Variants in KIF4A observed in about 807,000 individuals in gnomAD.
KIF4A encodes the protein chromosome-associated kinesin KIF4A.
A neutral mutation model predicts 105.9 loss-of-function variants in KIF4A; 7 were observed. The observed-to-expected ratio is 0.07, with a 90% CI of 0.04 to 0.12. KIF4A has a LOEUF of 0.12. Among genes scored for constraint, KIF4A ranks in the 10% least tolerant of loss-of-function variants. The pLI is 1.00. For missense variants in KIF4A, 558 were observed against 929.2 expected (o/e 0.60, Z 5.19); for synonymous variants, 281 against 331.3 (o/e 0.85, Z 1.65).
chrX:70,364,120 A>G (rs1271811136), intron 15 of KIF4A, among the ~76,000 whole-genome samples: 1 of 111,605 alleles, frequency 9.0e-6, no homozygotes, highest in African/African-American at 3.3e-5. Context: ...GTTTGAGTTC[A>G]TTGTAGATTC....
At chrX:70,312,860 A>G (rs1466623295) in intron 7 of KIF4A, among the ~76,000 whole-genome samples, 2 of 111,782 alleles carry the variant, frequency 1.8e-5, no homozygotes, top group African/African-American at 6.5e-5. Context: ...TCAAACCTAA[A>G]AGTTATTTAG....
rs147907098 is a variant in KIF4A at position 70,292,661 on chromosome X, C to G, written c.235+1856C>G. The stretch of plus-strand genomic sequence containing the variant: ...TTTTTACATACAGTATTTGGAAAAC[C>G]GTTAAGTGTTTCTACCTAATTCTCT... On this transcript the variant is annotated intron_variant, in intron 3 of 30. Coordinates refer to ENST00000374403, the MANE Select transcript of KIF4A (RefSeq NM_012310.5). 2.8e-4 allele frequency among the ~76,000 whole-genome samples: 31 copies of G among 111,824 alleles called. No individual in the cohort carries two copies. The East Asian group carries it at 4.7e-3, about 17-fold the overall frequency.
chrX:70,300,248 T>C (rs1444527295), intron 5 of KIF4A, among the ~76,000 whole-genome samples: 1 of 111,460 alleles, frequency 9.0e-6, no homozygotes, highest in Admixed American at 9.6e-5. Flanking sequence ...GCTTGGAATA[T>C]GCAAAGATGA....
At chrX:70,349,518 G>T (rs1336070364) in intron 13 of KIF4A, among the ~76,000 whole-genome samples, 2 of 94,527 alleles carry the variant, frequency 2.1e-5, no homozygotes, top group East Asian at 7.4e-4. Context: ...GGGCAGAGGC[G>T]CTCCTCACTA....
chrX:70,386,930 T>G (rs972968107), intron 19 of KIF4A, among the ~76,000 whole-genome samples: 1 of 111,442 alleles, frequency 9.0e-6, no homozygotes, highest in African/African-American at 3.3e-5. Flanking sequence ...ACGTGAGCCT[T>G]TCCTGAAAAA....
chrX:70,416,051 G>C (rs181077652), intron 28 of KIF4A, among the ~76,000 whole-genome samples: 34 of 108,686 alleles, frequency 3.1e-4, no homozygotes, highest in African/African-American at 1.1e-3. Context: ...ATTTTTAGTG[G>C]AGACGGGGTT....
rs955411399 is a variant in KIF4A, at chrX:70,350,240, C to T, written c.1432-2360C>T. 1.2e-3 allele frequency among the ~76,000 whole-genome samples: 137 copies of T among 111,338 alleles called. 3 individuals carry two copies. In the Admixed American group the frequency reaches 0.013, roughly 10 times the overall value. On this transcript the variant is annotated intron_variant, in intron 13 of 30. Coordinates refer to ENST00000374403, the MANE Select transcript of KIF4A (RefSeq NM_012310.5). ...GAGACTCCGTCTGCAATCCCAGCAC[C>T]TCGGGAGGCCGAGGCGGGCAGATCA...
chrX:70,420,173 A>C lies in KIF4A; in HGVS notation c.3607A>C (p.Asn1203His), dbSNP rs2147746149. 3 of 1,211,209 alleles carry C rather than the reference A, an allele frequency of 2.5e-6. No individual in the cohort carries two copies. The East Asian group carries it at 8.9e-5, about 36-fold the overall frequency. The change falls in exon 31 of 31, where the codon AAC becomes CAC. Residue 1203 changes from asparagine to histidine, a missense_variant. Physicochemically the swap from Asn to His is moderately conservative, Grantham distance 68 (BLOSUM62 1). Coordinates refer to ENST00000374403, the MANE Select transcript of KIF4A (RefSeq NM_012310.5). ...LKHVATEYQENKAPGKKKKRA... is the reference protein window; with the variant it reads ...LKHVATEYQEHKAPGKKKKRA... The stretch of plus-strand genomic sequence containing the variant: ...ACATGTAGCAACAGAATACCAAGAA[A>C]ACAAGGCTCCAGGGAAGAAAAAGAA...
intron 10 of KIF4A, 99 bp from the exon 11 acceptor site, chrX:70,341,700 C>T: frequency 1.1e-6 from 1 of 896,305 alleles, no homozygotes; most frequent in Non-Finnish European, 1.5e-6. Context: ...CCTAATCCCC[C>T]TACCTATCCA....
chrX:70,311,983 A>G (rs1429061566), intron 7 of KIF4A, among the ~76,000 whole-genome samples: 6 of 107,829 alleles, frequency 5.6e-5, no homozygotes, highest in Non-Finnish European at 9.6e-5. Flanking sequence ...AAATATATAT[A>G]TACACCTAAA....
intron 9 of KIF4A, among the ~76,000 whole-genome samples, chrX:70,333,180 A>G (rs2085937544): frequency 9.1e-6 from 1 of 109,436 alleles, no homozygotes; most frequent in Non-Finnish European, 1.9e-5. Flanking sequence ...CTCTACAAAA[A>G]ATACAAAAAT....
chrX:70,324,718 AG>A (rs2085904165), intron 7 of KIF4A, among the ~76,000 whole-genome samples: 1 of 111,957 alleles, frequency 8.9e-6, no homozygotes, highest in Non-Finnish European at 1.9e-5. Context: ...AGAATGGTAA[AG>A]GGTTTTTTAA....
Position 70,393,222 on chromosome X carries a change from A to G in KIF4A, c.2233-2449A>G, listed in dbSNP as rs140902523. Among the ~76,000 whole-genome samples, 1,029 of 111,064 alleles carry G rather than the reference A, an allele frequency of 9.3e-3. 4 individuals carry two copies. The highest frequency in any genetic ancestry group is 0.033 in the Middle Eastern group (7 of 214). Reference sequence around the variant, plus strand: ...TATTTAGAAGTGTTATGTAGTTTCCAAATGTTTGGGGATTTTTCCAAATGT... The same window carrying G: ...TATTTAGAAGTGTTATGTAGTTTCCGAATGTTTGGGGATTTTTCCAAATGT... On this transcript the variant is annotated intron_variant, in intron 20 of 30. Transcript: ENST00000374403.
chrX:70,290,279 G>A (rs2085752776), intron 1 of KIF4A, 129 bp downstream of exon 1: 2 of 558,912 alleles, frequency 3.6e-6, no homozygotes, highest in South Asian at 6.5e-5. Flanking sequence ...TCTCTTTAGA[G>A]TGCAGGGCTG....
chrX:70,335,865 A>C (rs761367105), intron 10 of KIF4A, among the ~76,000 whole-genome samples: 1 of 111,747 alleles, frequency 8.9e-6, no homozygotes, highest in Non-Finnish European at 1.9e-5. Flanking sequence ...AAAAGGAAAA[A>C]GGATATACTC....
chrX:70,346,629 G>T (rs996552994), intron 13 of KIF4A, among the ~76,000 whole-genome samples: 1 of 111,494 alleles, frequency 9.0e-6, no homozygotes, highest in Non-Finnish European at 1.9e-5. Flanking sequence ...CCACTTAAAT[G>T]TACTTGGCAC....
At chrX:70,357,331 C>T (rs1299843625) in intron 15 of KIF4A, among the ~76,000 whole-genome samples, 2 of 111,189 alleles carry the variant, frequency 1.8e-5, no homozygotes, top group African/African-American at 6.6e-5. Context: ...AACAAACAAA[C>T]AAAAAAACTA....
At chrX:70,308,186 C>T (rs1486541343) in intron 7 of KIF4A, among the ~76,000 whole-genome samples, 5 of 112,256 alleles carry the variant, frequency 4.5e-5, no homozygotes, top group Non-Finnish European at 7.5e-5. Flanking sequence ...TTTCCCAGAC[C>T]TTTTAAGCTC....
chrX:70,340,348 T>G (rs761251179), intron 10 of KIF4A, among the ~76,000 whole-genome samples: 2 of 112,196 alleles, frequency 1.8e-5, no homozygotes, highest in Admixed American at 9.4e-5. Context: ...TTGCCTCAAA[T>G]TACAATGAAG....
Sources: allele counts gnomAD v4.1 joint callset (sites outside exome capture counted in the v4.1 genomes callset), GRCh38; gene constraint gnomAD v4.1.1; transcripts MANE v1.5; gene names NCBI Gene and HGNC (gene_info 2026-07-23, HGNC 2026-07-21).